The following ZNF518B variants were observed in gnomAD, a reference collection of about 807,000 sequenced individuals.
ZNF518B encodes the protein zinc finger protein 518B.
A neutral mutation model predicts 56.3 loss-of-function variants in ZNF518B; 23 were observed. The observed-to-expected ratio is 0.41, with a 90% CI of 0.29 to 0.58. The LOEUF (loss-of-function observed/expected upper bound fraction) is 0.58. Ranked by LOEUF, ZNF518B falls within the 20% of genes least tolerant of loss-of-function variation. ZNF518B has a pLI of 0.32. For synonymous variants in ZNF518B, 529 were observed against 465.9 expected, an observed-to-expected ratio of 1.14 and a Z score of -1.74; for missense variants, 1,460 against 1,272.1, an observed-to-expected ratio of 1.15 and a Z score of -2.25.
chr4:10,444,426 A>C lies in ZNF518B; in HGVS notation c.1903T>G (p.Ser635Ala), dbSNP rs150291478. ...NNTNDGPVIS[S>A]VFSLSSGSEN... Reference sequence around the variant, plus strand: ...GATCCAGAGCTCAGAGAAAATACTGATGAGATGACTGGGCCATCATTAGTG... The same window carrying C: ...GATCCAGAGCTCAGAGAAAATACTGCTGAGATGACTGGGCCATCATTAGTG... The change falls in exon 3 of 3, where the codon TCA (serine) becomes GCA (alanine). Residue 635 changes from serine (S) to alanine (A), a missense_variant. Coordinates refer to ENST00000326756, the MANE Select transcript of ZNF518B (RefSeq NM_053042.3). 63 of 1,614,100 alleles carry C rather than the reference A, an allele frequency of 3.9e-5. No individual in the cohort carries two copies. The African/African-American group carries it at 7.7e-4, about 20-fold the overall frequency.
chr4:10,447,647 C>CTTTTTT (rs10675116), intron 2 of ZNF518B, among the ~76,000 whole-genome samples: 1 of 121,396 alleles, frequency 8.2e-6, no homozygotes, highest in African/African-American at 3.1e-5. Context: ...ACAGAGTGAC[C>CTTTTTT]TTTTTTTTTT....
At position 10,440,527 on chromosome 4, in the gene ZNF518B, T is replaced by C. The variant is rs1553830391; in HGVS notation, c.*2577A>G. The C allele has an allele frequency of 6.6e-6, 1 of 152,636 alleles. No individual in the cohort carries two copies. The highest frequency in any genetic ancestry group is 1.5e-5 in the Non-Finnish European group (1 of 68,038). The allele number at this position is 152,636 out of a possible 1,614,324, so 9.5% of individuals were successfully genotyped here. A position where few individuals can be genotyped will look rare whatever the true frequency, so the allele number is the denominator to read the frequency against. On this transcript the variant is annotated 3_prime_UTR_variant, in exon 3 of 3. Coordinates refer to ENST00000326756, the MANE Select transcript of ZNF518B (RefSeq NM_053042.3). ...AGAAATGTGTTTATTTCATAACATG[T>C]ACCTACAGGTTAAGCTATCTTCTAA...
rs1351624367 is a variant in ZNF518B, at chr4:10,444,253, T to G, written c.2076A>C (p.Val692=). 1.9e-6 allele frequency: 3 copies of G among 1,614,096 alleles called. No individual in the cohort carries two copies. The Admixed American group carries it at 5.0e-5, about 27-fold the overall frequency. The part of the protein sequence containing the change: ...LASNSAHRRS[V]GQASKGTSKA... ...TTGAAGTTCCCTTTGATGCCTGCCC[T>G]ACAGAGCGACGATGTGCACTATTTG... The change falls in exon 3 of 3, where the codon GTA becomes GTC. Residue 692 remains valine, a synonymous_variant. Transcript: ENST00000326756.
Position 10,446,405 on chromosome 4 carries a change from C to A in ZNF518B, c.-77G>T. The stretch of plus-strand genomic sequence containing the variant: ...GATAAAATCCTTAGGAGATATCCTT[C>A]TATACAGTTTGTGATGGGTAGGGGC... On this transcript the variant is annotated 5_prime_UTR_variant, in exon 3 of 3. Coordinates refer to ENST00000326756, the MANE Select transcript of ZNF518B (RefSeq NM_053042.3). 1 of 1,402,490 alleles carries A rather than the reference C, an allele frequency of 7.1e-7. No individual in the cohort carries two copies. Among genetic ancestry groups the A allele is most frequent in the African/African-American group, 1.4e-5 (1 of 69,604 alleles). The allele number at this position is 1,402,490 out of a possible 1,614,324, so 86.9% of individuals were successfully genotyped here.
At position 10,446,268 on chromosome 4, in the gene ZNF518B, T is replaced by C. The variant is rs1715049337; in HGVS notation, c.61A>G (p.Thr21Ala). Residue 21 changes from threonine (T) to alanine (A), a missense_variant, in exon 3 of 3, where the codon ACC becomes GCC. Transcript: ENST00000326756. ...THLNGGHNSL[T>A]MSPKQPDANG... ...GCATCAGGCTGTTTGGGTGACATGG[T>C]CAAGGAATTATGTCCGCCGTTCAAG... is the stretch of plus-strand genomic sequence containing the variant. 6.2e-7 allele frequency: 1 copy of C among 1,614,100 alleles called. No individual in the cohort carries two copies. Among genetic ancestry groups the C allele is most frequent in the African/African-American group, 1.3e-5 (1 of 74,928 alleles).
At chr4:10,456,632 C>T (rs1051430072) in intron 1 of ZNF518B, among the ~76,000 whole-genome samples, 13 of 152,198 alleles carry the variant, frequency 8.5e-5, no homozygotes, top group Admixed American at 8.5e-4. Flanking sequence ...AGGCAGCATC[C>T]GAGGCGAGCG....
chr4:10,447,994 A>C (rs533878713), intron 2 of ZNF518B, among the ~76,000 whole-genome samples: 3 of 152,144 alleles, frequency 2.0e-5, no homozygotes, highest in Non-Finnish European at 4.4e-5. Flanking sequence ...ATTTTCCCAG[A>C]ATATGGCAAA....
At chr4:10,451,928 A>G (rs1209081283) in intron 2 of ZNF518B, 1 of 152,246 alleles carries the variant, frequency 6.6e-6, no homozygotes. Flanking sequence ...ATAAATGTTA[A>G]TGTGAAAAGG....
In ZNF518B at chr4:10,443,443, T is replaced by G. The variant is rs1260922225; in HGVS notation, c.2886A>C (p.Val962=). The G allele has an allele frequency of 3.1e-6, 5 of 1,614,230 alleles. No homozygotes were observed. In the South Asian group the frequency reaches 4.4e-5, roughly 14 times the overall value. ...GGACATTGCCTTTGTATTTATTTAT[T>G]ACCTTCATCACATTGGTCACTTCTG... ...DSPEVTNVMK[V]INKYKGNVLK... is the part of the protein sequence containing the mutation. The change falls in exon 3 of 3, where the codon GTA becomes GTC. Residue 962 remains valine, a synonymous_variant. Transcript: ENST00000326756.
intron 1 of ZNF518B, among the ~76,000 whole-genome samples, chr4:10,456,905 G>T (rs1304882241): frequency 6.6e-6 from 1 of 151,692 alleles, no homozygotes; most frequent in Non-Finnish European, 1.5e-5. Context: ...CCGGGCCAGC[G>T]GCGCCACACG....
chr4:10,460,570 G>A (rs946057135), upstream of ZNF518B, among the ~76,000 whole-genome samples: 5 of 152,086 alleles, frequency 3.3e-5, no homozygotes, highest in Admixed American at 2.6e-4. Context: ...TGAGGTGGGC[G>A]CTTTTGAGGA....
intron 2 of ZNF518B, among the ~76,000 whole-genome samples, chr4:10,447,213 A>C (rs1446362484): frequency 6.6e-6 from 1 of 152,174 alleles, no homozygotes; most frequent in African/African-American, 2.4e-5. Flanking sequence ...GCACAGGGGG[A>C]AACAGATTAC....
At chr4:10,458,472 G>C (rs1021932698), upstream of ZNF518B, among the ~76,000 whole-genome samples, 2 of 152,210 alleles carry the variant, frequency 1.3e-5, no homozygotes, top group African/African-American at 4.8e-5. Flanking sequence ...CGGAGAAGCG[G>C]AGTTGAAGAA....
rs900482001 is a variant in ZNF518B, at chr4:10,442,313, A to G, written c.*791T>C. The stretch of plus-strand genomic sequence containing the variant: ...TTATGTTTCTGGGAGTGGTAAGGGC[A>G]AAGAGAAAATAGTTTTAGATATTTT... On this transcript the variant is annotated 3_prime_UTR_variant, in exon 3 of 3. Transcript: ENST00000326756. The G allele has an allele frequency of 6.6e-6, 1 of 152,256 alleles. No homozygotes were observed. Among genetic ancestry groups the G allele is most frequent in the African/African-American group, 2.4e-5 (1 of 41,476 alleles). 9.4% of individuals were successfully genotyped at this position (152,256 alleles called of 1,614,324 possible).
chr4:10,446,826 A>T (rs1715079922), intron 2 of ZNF518B, among the ~76,000 whole-genome samples: 1 of 152,232 alleles, frequency 6.6e-6, no homozygotes, highest in South Asian at 2.1e-4. Context: ...GCCTTTGGTC[A>T]GGGAAAGTCA....
chr4:10,461,311 C>A (rs1001182369), upstream of ZNF518B, among the ~76,000 whole-genome samples: 1 of 152,226 alleles, frequency 6.6e-6, no homozygotes, highest in East Asian at 1.9e-4. Context: ...CTCTCCTGGC[C>A]CGCACACTCA....
chr4:10,446,357 TA>T lies in ZNF518B; in HGVS notation c.-30del. 1 of 1,547,480 alleles carries T rather than the reference TA, an allele frequency of 6.5e-7. No homozygotes were observed. The highest frequency in any genetic ancestry group is 8.7e-7 in the Non-Finnish European group (1 of 1,143,264). Reference sequence around the variant, plus strand: ...ATCTGCATTTCTAAAAAGAGCCAACTAAAATTCAGAAAGTTTTCACATGATA... The same window carrying T: ...ATCTGCATTTCTAAAAAGAGCCAACTAAATTCAGAAAGTTTTCACATGATA... On this transcript the variant is annotated 5_prime_UTR_variant, in exon 3 of 3. Transcript: ENST00000326756.
In ZNF518B at chr4:10,452,309, G is replaced by A. The variant is rs191899157; in HGVS notation, c.-212+2496C>T. ...TTTACCGTAAGCAAACTTAAAGGGC[G>A]ATCAGGAGATGCAAACTAGATAATG... On this transcript the variant is annotated intron_variant, in intron 2 of 2. Transcript: ENST00000326756. 4.6e-5 allele frequency: 7 copies of A among 152,162 alleles called. No homozygotes were observed. In the East Asian group the frequency reaches 7.7e-4, roughly 17 times the overall value. 9.4% of individuals were successfully genotyped at this position (152,162 alleles called of 1,614,324 possible).
At chr4:10,457,922 C>G (rs1018337214), upstream of ZNF518B, among the ~76,000 whole-genome samples, 2 of 152,218 alleles carry the variant, frequency 1.3e-5, no homozygotes, top group African/African-American at 2.4e-5. Flanking sequence ...AGAAAGTCCC[C>G]TGACCTCTCT....
Sources: gnomAD v4.1 joint callset for allele counts (sites outside exome capture counted in the v4.1 genomes callset) on GRCh38, gnomAD v4.1.1 for gene constraint, MANE v1.5 for transcripts, NCBI Gene and HGNC (gene_info 2026-07-23, HGNC 2026-07-21) for gene names.